Variants in SMUG1 observed in about 807,000 individuals in gnomAD.
The protein encoded by SMUG1 is single-strand-selective monofunctional uracil-DNA glycosylase 1.
Under a neutral mutation model 23.9 loss-of-function variants are expected in SMUG1, and 13 were observed. The ratio of observed to expected loss-of-function variants is 0.54; its 90% CI spans 0.35 to 0.86. The LOEUF (loss-of-function observed/expected upper bound fraction) is 0.86, where lower values mean the gene tolerates loss of function less well. SMUG1 is among the 40% of genes least tolerant of loss of function. The pLI, the probability that SMUG1 is intolerant of heterozygous loss-of-function variation, is 0.01. For synonymous variants in SMUG1, 133 were observed against 139.8 expected (o/e 0.95, Z 0.34); for missense variants, 313 against 339.5 (o/e 0.92, Z 0.61).
At chr12:54,170,198 T>TA (rs34662291) in intron 3 of SMUG1, among the ~76,000 whole-genome samples, 16,198 of 135,648 alleles carry the variant, frequency 0.12, 1,087 homozygotes, top group East Asian at 0.2. Context: ...AACTCTGTCT[T>TA]AAAAAAAAAA....
At chr12:54,178,577 C>T (rs1940809338), downstream of SMUG1, among the ~76,000 whole-genome samples, 1 of 152,074 alleles carries the variant, frequency 6.6e-6, no homozygotes, top group African/African-American at 2.4e-5. Context: ...TGGTTTGCCC[C>T]TTCATCTCCT....
At chr12:54,161,573 T>C (rs1940264724), downstream of SMUG1, among the ~76,000 whole-genome samples, 1 of 152,236 alleles carries the variant, frequency 6.6e-6, no homozygotes, top group African/African-American at 2.4e-5. This position sits in a 1 kb window ranked among gnomAD's most constrained non-coding sequence, Gnocchi z 4.2. Context: ...CCTCTGCTTC[T>C]CTCTCCACTT....
At position 54,181,892 on chromosome 12, in the gene SMUG1, C is replaced by G; in HGVS notation, c.*204G>C. On this transcript the variant is annotated 3_prime_UTR_variant, in exon 4 of 4. Transcript: ENST00000682136. ...GGGCAATGTTAAAAGGTAAAGAAAG[C>G]AGGAATCAGGAGGGCAAACAGGAGT... 1 of 1,425,926 alleles carries G rather than the reference C, an allele frequency of 7.0e-7. No homozygotes were observed. Among genetic ancestry groups the G allele is most frequent in the Non-Finnish European group, 9.1e-7 (1 of 1,094,270 alleles). The allele number at this position is 1,425,926 out of a possible 1,614,324, so 88.3% of individuals were successfully genotyped here. A position where few individuals can be genotyped will look rare whatever the true frequency, so the allele number is the denominator to read the frequency against.
chr12:54,178,107 A>G (rs1422924884), downstream of SMUG1, among the ~76,000 whole-genome samples: 1 of 152,242 alleles, frequency 6.6e-6, no homozygotes, highest in East Asian at 1.9e-4. Flanking sequence ...GAAGGCAGCT[A>G]TCTGCAAGCT....
chr12:54,173,437 G>A (rs1940672993), intron 2 of SMUG1, among the ~76,000 whole-genome samples: 1 of 152,160 alleles, frequency 6.6e-6, no homozygotes, highest in Admixed American at 6.5e-5. Context: ...GCGGGAAGCG[G>A]CCGGGAGCGG....
downstream of SMUG1, among the ~76,000 whole-genome samples, chr12:54,163,728 T>A (rs975230188): frequency 6.6e-6 from 1 of 152,236 alleles, no homozygotes; most frequent in African/African-American, 2.4e-5. Flanking sequence ...GCCCCAATTC[T>A]GATTAACTGT....
downstream of SMUG1, among the ~76,000 whole-genome samples, chr12:54,177,117 C>T (rs1187320395): frequency 6.6e-6 from 1 of 152,160 alleles, no homozygotes; most frequent in Non-Finnish European, 1.5e-5. Flanking sequence ...TACTTTGTGC[C>T]AGGTGTGGGA....
chr12:54,177,979 C>T (rs1410394801), downstream of SMUG1, among the ~76,000 whole-genome samples: 2 of 152,126 alleles, frequency 1.3e-5, no homozygotes, highest in African/African-American at 4.8e-5. Context: ...TTTAAAGAGG[C>T]ACCTAAGGTT....
intron 3 of SMUG1, among the ~76,000 whole-genome samples, chr12:54,170,983 T>C (rs1940600533): frequency 6.6e-6 from 1 of 150,820 alleles, no homozygotes; most frequent in African/African-American, 2.5e-5. Flanking sequence ...TTGGATGCCC[T>C]TCACTTTCTT....
rs561264633 is a variant in SMUG1, at chr12:54,174,733, C to T, written c.399-2624G>A. The stretch of plus-strand genomic sequence containing the variant: ...CTGTTCTGGGCTCTCAGCCATCCCT[C>T]CTGCAAGCCAGGACTAGAGACAGAC... On this transcript the variant is annotated intron_variant and NMD_transcript_variant, in intron 2 of 4. Transcript: ENST00000509864. Among the ~76,000 whole-genome samples, 8 of 152,348 alleles carry T rather than the reference C, an allele frequency of 5.3e-5. No homozygotes were observed. In the South Asian group the frequency reaches 1.7e-3, roughly 32 times the overall value.
downstream of SMUG1, among the ~76,000 whole-genome samples, chr12:54,160,704 C>T (rs1056626545): frequency 5.3e-5 from 8 of 152,254 alleles, no homozygotes; most frequent in African/African-American, 1.9e-4. Context: ...GGCCTCATTT[C>T]TTCCTTTTAT....
chr12:54,188,298 T>TA (rs34624031), intron 1 of SMUG1, among the ~76,000 whole-genome samples: 1,139 of 60,826 alleles, frequency 0.019, 5 homozygotes, highest in South Asian at 0.03. Context: ...TAATAATAAA[T>TA]AATAATAATA....
At chr12:54,188,804 C>T (rs1187283299) in intron 1 of SMUG1, 147 bp downstream of exon 1, 1 of 152,130 alleles carries the variant, frequency 6.6e-6, no homozygotes, top group African/African-American at 2.4e-5. Context: ...ATAGGCTGGG[C>T]TCTCCCTGCA....
downstream of SMUG1, among the ~76,000 whole-genome samples, chr12:54,179,692 A>C (rs1940842312): frequency 6.6e-6 from 1 of 152,082 alleles, no homozygotes; most frequent in South Asian, 2.1e-4. Context: ...GAGCTTGAGG[A>C]TCCCCAGACC....
At chr12:54,160,996 G>C (rs1052448300), downstream of SMUG1, among the ~76,000 whole-genome samples, 3 of 152,020 alleles carry the variant, frequency 2.0e-5, no homozygotes, top group Non-Finnish European at 4.4e-5. Context: ...CCCCTCACAG[G>C]GCACACACTG....
chr12:54,183,981 A>G (rs1016306186), intron 2 of SMUG1, 22 bp from the exon 3 acceptor site: 2 of 1,465,072 alleles, frequency 1.4e-6, no homozygotes, highest in African/African-American at 2.8e-5. Flanking sequence ...GATGGACAGA[A>G]GCCCCATCAA....
At chr12:54,184,666 G>A (rs1443419434) in intron 2 of SMUG1, among the ~76,000 whole-genome samples, 2 of 152,120 alleles carry the variant, frequency 1.3e-5, no homozygotes. Context: ...AACCACCCAC[G>A]CCATCTTGCC....
chr12:54,182,184 G>A lies in SMUG1; in HGVS notation c.725C>T (p.Pro242Leu), dbSNP rs1233425882. 9 of 1,610,604 alleles carry A rather than the reference G, an allele frequency of 5.6e-6. No homozygotes were observed. The South Asian group carries it at 9.9e-5, about 18-fold the overall frequency. Residue 242 changes from proline (P) to leucine (L), a missense_variant, in exon 4 of 4, where the codon CCC becomes CTC. Transcript: ENST00000682136. ...VQVEGLLHPS[P>L]RNPQANKGWE... Reference sequence around the variant, plus strand: ...GCCCTTGTTGGCCTGTGGGTTACGGGGAGAGGGATGCAGGAGCCCTTCCAC... The same window carrying A: ...GCCCTTGTTGGCCTGTGGGTTACGGAGAGAGGGATGCAGGAGCCCTTCCAC...
chr12:54,160,796 T>A (rs892292019), downstream of SMUG1, among the ~76,000 whole-genome samples: 9 of 152,280 alleles, frequency 5.9e-5, no homozygotes, highest in African/African-American at 2.2e-4. Context: ...GAATCCCGAC[T>A]CTAGTCAAGC....
Sources: allele counts gnomAD v4.1 joint callset (sites outside exome capture counted in the v4.1 genomes callset), GRCh38; gene constraint gnomAD v4.1.1; non-coding constraint Gnocchi (gnomAD v3.1); transcripts MANE v1.5; gene names NCBI Gene and HGNC (gene_info 2026-07-23, HGNC 2026-07-21).